CCL20: variants seen among roughly 807,000 people sequenced by gnomAD.
CCL20 encodes the protein C-C motif chemokine ligand 20.
In CCL20, 8 loss-of-function variants were observed where a neutral mutation model predicts 10.8. That is an observed-to-expected ratio of 0.74 (90% CI 0.44 to 1.34). CCL20 has a LOEUF of 1.34. CCL20 is among the 40% of genes most tolerant of loss of function. The probability of loss-of-function intolerance (pLI) is 0.01; values close to 1 mark genes in which losing one functional copy is unlikely to be tolerated. For missense variants in CCL20, 107 were observed against 117.9 expected (o/e 0.91, Z 0.43); for synonymous variants, 40 against 39.4 (o/e 1.02, Z -0.06).
chr2:227,817,046 C>T lies in CCL20; in HGVS notation c.270-16C>T, dbSNP rs569721247. 4 of 1,599,732 alleles carry T rather than the reference C, an allele frequency of 2.5e-6. No homozygotes were observed. In the African/African-American group the frequency reaches 5.4e-5, roughly 21 times the overall value. On this transcript the variant is annotated splice_polypyrimidine_tract_variant and intron_variant, in intron 3 of 3. Transcript: ENST00000358813. Reference sequence around the variant, plus strand: ...CCTTGTCATTACTTACACTTTTCTTCTTTTTCATTTTACAGTAAAAAAGTC... The same window carrying T: ...CCTTGTCATTACTTACACTTTTCTTTTTTTTCATTTTACAGTAAAAAAGTC...
At chr2:227,816,262 A>T (rs200515963) in intron 2 of CCL20, 45 bp from the exon 3 acceptor site, 4 of 1,136,038 alleles carry the variant, frequency 3.5e-6, no homozygotes, top group East Asian at 2.4e-5. Context: ...TGAAAAACCC[A>T]TTGAAAAGCT....
At chr2:227,815,610 C>A (rs375326576) in intron 2 of CCL20, 42 bp downstream of exon 2, 756 of 1,082,438 alleles carry the variant, frequency 7.0e-4, no homozygotes, top group Non-Finnish European at 7.4e-4. Context: ...ATCAGGAATA[C>A]CTAGAAACTT....
At chr2:227,815,887 C>A in intron 2 of CCL20, 1 of 252,920 alleles carries the variant, frequency 4.0e-6, no homozygotes. Flanking sequence ...GGAAGATACA[C>A]ATTTCGAAAT....
At chr2:227,815,274 T>C in intron 1 of CCL20, 180 bp from the exon 2 acceptor site, 1 of 449,466 alleles carries the variant, frequency 2.2e-6, no homozygotes, top group Non-Finnish European at 3.9e-6. Context: ...CTATGTTAGA[T>C]TGGTTCTCAA....
intron 2 of CCL20, chr2:227,815,954 A>T (rs1690019409): frequency 4.1e-6 from 1 of 246,792 alleles, no homozygotes; most frequent in Admixed American, 5.2e-5. Context: ...GACTAATTAT[A>T]CTATCACATA....
intron 1 of CCL20, among the ~76,000 whole-genome samples, chr2:227,814,285 TAC>T (rs1344683982): frequency 6.6e-6 from 1 of 152,130 alleles, no homozygotes; most frequent in Non-Finnish European, 1.5e-5. Flanking sequence ...TGTGTAATGT[TAC>T]CAGTAGATGG....
intron 2 of CCL20, 35 bp downstream of exon 2, chr2:227,815,603 A>T (rs765204988): frequency 8.7e-7 from 1 of 1,151,088 alleles, no homozygotes; most frequent in African/African-American, 1.5e-5. Flanking sequence ...CAGTTGTATC[A>T]GGAATACCTA....
intron 3 of CCL20, 136 bp from the exon 4 acceptor site, chr2:227,816,926 C>T (rs1690032909): frequency 1.5e-6 from 1 of 675,620 alleles, no homozygotes; most frequent in Non-Finnish European, 2.7e-6. Context: ...CCTCAATTTC[C>T]TCATCTGAAC....
intron 3 of CCL20, 123 bp from the exon 4 acceptor site, chr2:227,816,939 T>G: frequency 1.5e-5 from 11 of 730,484 alleles, no homozygotes; most frequent in Middle Eastern, 2.4e-4. Flanking sequence ...ATCTGAACTC[T>G]GAGCTGCTTG....
intron 2 of CCL20, chr2:227,815,808 G>T: frequency 2.7e-6 from 1 of 368,964 alleles, no homozygotes; most frequent in Non-Finnish European, 4.8e-6. Context: ...ATTTTTTTTG[G>T]TCAAACGGAA....
chr2:227,814,083 T>C (rs1174586987), intron 1 of CCL20, 96 bp downstream of exon 1: 3 of 1,026,674 alleles, frequency 2.9e-6, no homozygotes, highest in Admixed American at 1.7e-5. Context: ...GATGGAAAAC[T>C]GTTAGGAAGT....
In CCL20 at chr2:227,813,952, C is replaced by T. The variant is rs762365734; in HGVS notation, c.41C>T (p.Ser14Leu). ...AGTTTGCTCCTGGCTGCTTTGATGT[C>T]AGTGCTGCTACTCCACCTCTGCGGC... is the stretch of plus-strand genomic sequence containing the variant. ...TKSLLLAALMSVLLLHLCGES... is the reference protein window; with the variant it reads ...TKSLLLAALMLVLLLHLCGES... Residue 14 changes from serine (S) to leucine (L), a missense_variant, in exon 1 of 4, where the codon TCA becomes TTA. By Grantham distance (145) the Ser-to-Leu change is moderately radical (BLOSUM62 -2). Coordinates refer to ENST00000358813, the MANE Select transcript of CCL20 (RefSeq NM_004591.3). 1.2e-6 allele frequency: 2 copies of T among 1,614,160 alleles called. No individual in the cohort carries two copies. The highest frequency in any genetic ancestry group is 2.2e-5 in the East Asian group (1 of 44,884).
chr2:227,817,176 G>T lies in CCL20; in HGVS notation c.*93G>T. 1.1e-6 allele frequency: 1 copy of T among 895,934 alleles called. No homozygotes were observed. The highest frequency in any genetic ancestry group is 1.7e-5 in the African/African-American group (1 of 60,426). 55.5% of individuals were successfully genotyped at this position (895,934 alleles called of 1,614,324 possible). ...AGGTTTCACTTGCACATCATGGAGG[G>T]TTTAGTGCTTATCTAATTTGTGCCT... On this transcript the variant is annotated 3_prime_UTR_variant, in exon 4 of 4. Coordinates refer to ENST00000358813, the MANE Select transcript of CCL20 (RefSeq NM_004591.3).
chr2:227,815,740 T>C (rs1040909513), intron 2 of CCL20, 172 bp downstream of exon 2: 1 of 538,238 alleles, frequency 1.9e-6, no homozygotes, highest in Non-Finnish European at 3.3e-6. Flanking sequence ...TCTTAGTACA[T>C]ATCTACTTTA....
chr2:227,815,988 T>C (rs2396507), intron 2 of CCL20: 15,164 of 277,564 alleles, frequency 0.055, 2,194 homozygotes, highest in African/African-American at 0.31. Flanking sequence ...TTATATAGGA[T>C]ATTATATTTT....
In CCL20 at chr2:227,817,079, TG is replaced by T; in HGVS notation, c.288del (p.Met96IlefsTer38). On this transcript the variant is annotated frameshift_variant, in exon 4 of 4. Coordinates refer to ENST00000358813, the MANE Select transcript of CCL20 (RefSeq NM_004591.3). LOFTEE classifies it high-confidence loss of function. Reference sequence around the variant, plus strand: ...TTTTACAGTAAAAAAGTCAAGAACATGTAAAAACTGTGGCTTTTCTGGAATG... The same window carrying T: ...TTTTACAGTAAAAAAGTCAAGAACATTAAAAACTGTGGCTTTTCTGGAATG... ...VRLLSKKVKNM is the reference protein window; with the variant it reads ...VRLLSKKVKNX 4 of 1,608,546 alleles carry T rather than the reference TG, an allele frequency of 2.5e-6. No homozygotes were observed. Among genetic ancestry groups the T allele is most frequent in the Non-Finnish European group, 3.4e-6 (4 of 1,175,334 alleles).
chr2:227,816,428 G>T, intron 3 of CCL20, 44 bp downstream of exon 3: 2 of 1,193,116 alleles, frequency 1.7e-6, no homozygotes, highest in Non-Finnish European at 2.5e-6. Context: ...TTTGAGGAAA[G>T]AGGAGTGTGC....
At chr2:227,815,341 C>A in intron 1 of CCL20, 113 bp from the exon 2 acceptor site, 1 of 611,900 alleles carries the variant, frequency 1.6e-6, no homozygotes, top group Non-Finnish European at 2.9e-6. Flanking sequence ...GTTTATTCGT[C>A]ATATACATGA....
At chr2:227,817,014 G>A (rs1574625250) in intron 3 of CCL20, 48 bp from the exon 4 acceptor site, 1 of 1,464,930 alleles carries the variant, frequency 6.8e-7, no homozygotes, top group African/African-American at 1.4e-5. Context: ...TTCCCACCAT[G>A]CAGTCACCTT....
Sources: allele counts gnomAD v4.1 joint callset (sites outside exome capture counted in the v4.1 genomes callset), GRCh38; gene constraint gnomAD v4.1.1; transcripts MANE v1.5; gene names NCBI Gene and HGNC (gene_info 2026-07-23, HGNC 2026-07-21).